ADAM10: variants seen among roughly 807,000 people sequenced by gnomAD.
The protein encoded by ADAM10 is ADAM metallopeptidase domain 10.
In ADAM10, 17 loss-of-function variants were observed where a neutral mutation model predicts 90.1. The observed-to-expected ratio is 0.19, with a 90% CI of 0.13 to 0.28. The LOEUF (loss-of-function observed/expected upper bound fraction) is 0.28, where lower values mean the gene tolerates loss of function less well. Among genes scored for constraint, ADAM10 ranks in the 10% least tolerant of loss-of-function variants. ADAM10 has a pLI of 1.00. For missense variants in ADAM10, 610 were observed against 914.3 expected, an observed-to-expected ratio of 0.67 and a Z score of 4.29; for synonymous variants, 310 against 298.6, an observed-to-expected ratio of 1.04 and a Z score of -0.40.
In ADAM10 at chr15:58,592,707, A is replaced by G. The variant is rs1894847942; in HGVS notation, c.*4840T>C. 6.6e-6 allele frequency: 1 copy of G among 151,516 alleles called. No homozygotes were observed. The highest frequency in any genetic ancestry group is 2.1e-4 in the South Asian group (1 of 4,810). The allele number at this position is 151,516 out of a possible 1,614,324, so 9.4% of individuals were successfully genotyped here. On this transcript the variant is annotated 3_prime_UTR_variant, in exon 16 of 16. Transcript: ENST00000260408. ...TTCTATTATTGTTTCTAATACATTC[A>G]TGTGGCTGCATATATGTGGATTTCT...
At chr15:58,708,498 C>CA (rs1284015356) in intron 2 of ADAM10, among the ~76,000 whole-genome samples, 15 of 151,752 alleles carry the variant, frequency 9.9e-5, no homozygotes, top group South Asian at 4.2e-4. Flanking sequence ...GCCCTATCTA[C>CA]AAAAAAAATT....
At chr15:58,677,175 T>A (rs1422709941) in intron 4 of ADAM10, among the ~76,000 whole-genome samples, 1 of 152,180 alleles carries the variant, frequency 6.6e-6, no homozygotes, top group Admixed American at 6.5e-5. Context: ...CCCATCCTCA[T>A]ATCCTACAAT....
chr15:58,728,234 C>T (rs1298288015), intron 1 of ADAM10, among the ~76,000 whole-genome samples: 1 of 151,990 alleles, frequency 6.6e-6, no homozygotes, highest in Non-Finnish European at 1.5e-5. Context: ...GTTCATGGGT[C>T]AAAGAAGAAA....
chr15:58,701,518 C>G (rs1450082171), intron 2 of ADAM10, among the ~76,000 whole-genome samples: 1 of 152,164 alleles, frequency 6.6e-6, no homozygotes, highest in African/African-American at 2.4e-5. Flanking sequence ...GCAACAGTAA[C>G]TCTTCTATAC....
At chr15:58,707,793 AG>A (rs1898351678) in intron 2 of ADAM10, among the ~76,000 whole-genome samples, 1 of 152,172 alleles carries the variant, frequency 6.6e-6, no homozygotes, top group South Asian at 2.1e-4. Context: ...TAAAACATTA[AG>A]GGCCTGGTGC....
At chr15:58,681,175 CCTAGCGAAAAAGGGCAGGAA>C (rs1390781280) in intron 3 of ADAM10, among the ~76,000 whole-genome samples, 2 of 151,978 alleles carry the variant, frequency 1.3e-5, no homozygotes, top group South Asian at 2.1e-4. Flanking sequence ...GATCTCATCA[CCTAGCGAAAAAGGGCAGGAA>C]CTACTAAGTT....
At chr15:58,635,864 G>A (rs1446257594) in intron 8 of ADAM10, among the ~76,000 whole-genome samples, 1 of 151,682 alleles carries the variant, frequency 6.6e-6, no homozygotes, top group African/African-American at 2.4e-5. Flanking sequence ...TTTAGGGTCT[G>A]GCTAATTTAA....
chr15:58,728,309 T>TATA (rs1204241611), intron 1 of ADAM10, among the ~76,000 whole-genome samples: 1 of 152,226 alleles, frequency 6.6e-6, no homozygotes, highest in East Asian at 1.9e-4. Context: ...TTTGGATTGA[T>TATA]ATAAATGTTC....
chr15:58,726,623 A>G (rs1899040340), intron 1 of ADAM10, among the ~76,000 whole-genome samples: 1 of 150,042 alleles, frequency 6.7e-6, no homozygotes, highest in Non-Finnish European at 1.5e-5. Flanking sequence ...GCAAGAAAAG[A>G]GGGGGACAAG....
At chr15:58,641,471 G>A (rs553858439) in intron 7 of ADAM10, among the ~76,000 whole-genome samples, 5 of 152,134 alleles carry the variant, frequency 3.3e-5, no homozygotes, top group Non-Finnish European at 7.4e-5. Context: ...CTTGCCTAGA[G>A]AGTCACATGA....
In ADAM10 at chr15:58,611,288, A is replaced by T. The variant is rs1895431091; in HGVS notation, c.1696-181T>A. ...ATAAATACATTTGAAAAAATTTGAA[A>T]AACAGTAAATCCAAGAAAGATAGTA... is the stretch of plus-strand genomic sequence containing the variant. On this transcript the variant is annotated intron_variant, in intron 12 of 15. Coordinates refer to ENST00000260408, the MANE Select transcript of ADAM10 (RefSeq NM_001110.4). 8.4e-6 allele frequency: 5 copies of T among 595,094 alleles called. No homozygotes were observed. In the Admixed American group the frequency reaches 1.5e-4, roughly 18 times the overall value. 36.9% of individuals were successfully genotyped at this position (595,094 alleles called of 1,614,324 possible).
At chr15:58,635,774 T>C (rs1479607443) in intron 8 of ADAM10, among the ~76,000 whole-genome samples, 1 of 145,644 alleles carries the variant, frequency 6.9e-6, no homozygotes, top group Non-Finnish European at 1.5e-5. Flanking sequence ...GACTCCACAC[T>C]TCAAATCTTT....
chr15:58,642,080 G>C (rs1011155934), intron 7 of ADAM10, among the ~76,000 whole-genome samples: 2 of 152,218 alleles, frequency 1.3e-5, no homozygotes, highest in Non-Finnish European at 2.9e-5. Context: ...GTTACAGATA[G>C]TCCATGCTTG....
chr15:58,623,973 A>C (rs1895861521), intron 10 of ADAM10, among the ~76,000 whole-genome samples: 1 of 142,206 alleles, frequency 7.0e-6, no homozygotes, highest in Admixed American at 7.2e-5. Context: ...CGGAACTTAA[A>C]GTGAAATTTA....
intron 2 of ADAM10, chr15:58,691,351 G>T: frequency 9.9e-7 from 1 of 1,009,398 alleles, no homozygotes; most frequent in Non-Finnish European, 1.6e-6. Context: ...TCATCAATGG[G>T]CTCACTCATA....
chr15:58,745,166 G>A (rs1339662750), intron 1 of ADAM10, among the ~76,000 whole-genome samples: 1 of 152,188 alleles, frequency 6.6e-6, no homozygotes, highest in Non-Finnish European at 1.5e-5. Context: ...CTGGGTGACA[G>A]AGCGAGATTC....
intron 6 of ADAM10, among the ~76,000 whole-genome samples, chr15:58,645,331 TC>T (rs1315648314): frequency 1.3e-5 from 2 of 152,180 alleles, no homozygotes; most frequent in Non-Finnish European, 2.9e-5. Flanking sequence ...TAGCTTCTCT[TC>T]CTCAACCTAT....
At chr15:58,700,832 T>C (rs936550261) in intron 2 of ADAM10, among the ~76,000 whole-genome samples, 58 of 151,468 alleles carry the variant, frequency 3.8e-4, no homozygotes, top group Non-Finnish European at 6.0e-4. Flanking sequence ...ATGAGCAACA[T>C]AGCAAGACCC....
intron 1 of ADAM10, among the ~76,000 whole-genome samples, chr15:58,737,374 A>G (rs1410253244): frequency 2.0e-5 from 3 of 152,170 alleles, no homozygotes; most frequent in African/African-American, 7.2e-5. Flanking sequence ...AATACCTTCT[A>G]TAAAGAACCT....
Sources: allele counts gnomAD v4.1 joint callset (sites outside exome capture counted in the v4.1 genomes callset), GRCh38; gene constraint gnomAD v4.1.1; transcripts MANE v1.5; gene names NCBI Gene and HGNC (gene_info 2026-07-23, HGNC 2026-07-21).